PDE1C: variants seen among roughly 807,000 people sequenced by gnomAD.
PDE1C encodes dual specificity calcium/calmodulin-dependent 3',5'-cyclic nucleotide phosphodiesterase 1C.
PDE1C carries 62 observed loss-of-function variants against 93.1 expected under a neutral mutation model. The ratio of observed to expected loss-of-function variants is 0.67; its 90% CI spans 0.54 to 0.82. The LOEUF (loss-of-function observed/expected upper bound fraction) is 0.82, where lower values mean the gene tolerates loss of function less well. Ranked by LOEUF, PDE1C falls within the 40% of genes least tolerant of loss-of-function variation. The pLI is 0.00. For synonymous variants in PDE1C, 325 were observed against 310.1 expected (o/e 1.05, Z -0.50); for missense variants, 742 against 884.6 (o/e 0.84, Z 2.04).
intron 2 of PDE1C, among the ~76,000 whole-genome samples, chr7:31,896,919 C>T (rs73690326): frequency 6.6e-6 from 1 of 152,200 alleles, no homozygotes; most frequent in African/African-American, 2.4e-5. Context: ...TACCACAGGA[C>T]ATCTAGCCCA....
chr7:32,131,846 C>T (rs1199907195), intron 3 of PDE1C, among the ~76,000 whole-genome samples: 1 of 152,056 alleles, frequency 6.6e-6, no homozygotes, highest in African/African-American at 2.4e-5. Context: ...AATGTGACAA[C>T]AGAGACTCTA....
At chr7:32,400,970 A>G (rs1264195794) in intron 1 of PDE1C, among the ~76,000 whole-genome samples, 1 of 152,232 alleles carries the variant, frequency 6.6e-6, no homozygotes, top group Non-Finnish European at 1.5e-5. Flanking sequence ...AAGTGGCAAA[A>G]CATCTTGAGT....
intron 6 of PDE1C, among the ~76,000 whole-genome samples, chr7:31,866,887 C>T (rs1412111114): frequency 2.6e-5 from 4 of 152,072 alleles, no homozygotes; most frequent in African/African-American, 9.7e-5. Context: ...TAAACCCTGG[C>T]AGACCCTGAG....
chr7:32,417,571 C>T (rs1457604155), intron 1 of PDE1C, among the ~76,000 whole-genome samples: 9 of 151,726 alleles, frequency 5.9e-5, no homozygotes, highest in African/African-American at 2.2e-4. Flanking sequence ...GATTCTAACT[C>T]CATCTCTCTC....
chr7:31,619,420 T>A, the PDE1C span, among the ~76,000 whole-genome samples: 67 of 152,224 alleles, frequency 4.4e-4, no homozygotes, highest in Non-Finnish European at 7.8e-4. Context: ...GTTTTCTATG[T>A]AACATGTTCC....
intron 2 of PDE1C, among the ~76,000 whole-genome samples, chr7:31,987,064 A>G (rs1783511284): frequency 6.6e-6 from 1 of 152,148 alleles, no homozygotes; most frequent in Non-Finnish European, 1.5e-5. Flanking sequence ...CTTGAATTCT[A>G]TTGAATCTAT....
rs1298991354 is a variant in PDE1C, at chr7:31,816,158, C to T, written c.1583-4G>A. 1 of 1,610,790 alleles carries T rather than the reference C, an allele frequency of 6.2e-7. No homozygotes were observed. The highest frequency in any genetic ancestry group is 2.2e-5 in the East Asian group (1 of 44,818). Reference sequence around the variant, plus strand: ...GCTTCCTTCTTGGCCTTCTCCTCTGCATCCATGGCAAGTTGGGAAAGCCAC... The same window carrying T: ...GCTTCCTTCTTGGCCTTCTCCTCTGTATCCATGGCAAGTTGGGAAAGCCAC... On this transcript the variant is annotated splice_region_variant and splice_polypyrimidine_tract_variant and intron_variant, in intron 14 of 17. Transcript: ENST00000396191.
At chr7:32,052,205 T>C (rs1412825512) in intron 1 of PDE1C, 2 of 438,856 alleles carry the variant, frequency 4.6e-6, no homozygotes, top group African/African-American at 4.1e-5. Flanking sequence ...AAGCAAATGT[T>C]GAGAACCAGC....
intron 2 of PDE1C, among the ~76,000 whole-genome samples, chr7:31,885,321 T>A (rs1468644476): frequency 6.6e-6 from 1 of 152,240 alleles, no homozygotes; most frequent in Non-Finnish European, 1.5e-5. Flanking sequence ...AGCTGCCAGA[T>A]AATAGTTCCA....
chr7:31,692,470 T>A, the PDE1C span: 1 of 1,612,082 alleles, frequency 6.2e-7, no homozygotes, highest in South Asian at 1.1e-5. Context: ...ATGCAGCCAC[T>A]GGAACTCTCA....
chr7:32,052,609 C>G (rs555509305), intron 1 of PDE1C, among the ~76,000 whole-genome samples: 1 of 152,164 alleles, frequency 6.6e-6, no homozygotes, highest in African/African-American at 2.4e-5. Context: ...ATTTCCATTA[C>G]AGTCACTGTA....
intron 7 of PDE1C, among the ~76,000 whole-genome samples, chr7:31,862,458 G>A (rs1001400592): frequency 4.6e-5 from 7 of 152,028 alleles, no homozygotes; most frequent in Admixed American, 1.3e-4. Flanking sequence ...GCCATAGGCC[G>A]GGTGACTTAT....
At chr7:32,388,704 A>AAG (rs386409845) in intron 1 of PDE1C, among the ~76,000 whole-genome samples, 4 of 149,698 alleles carry the variant, frequency 2.7e-5, no homozygotes, top group African/African-American at 9.9e-5. Flanking sequence ...AAAAAAAAAA[A>AAG]TTAAGACAAA....
the PDE1C span, among the ~76,000 whole-genome samples, chr7:31,625,082 C>T: frequency 2.6e-5 from 4 of 152,172 alleles, no homozygotes; most frequent in Non-Finnish European, 4.4e-5. Context: ...GATATCATCT[C>T]ACACCAGTTA....
At chr7:32,228,051 C>T (rs1005996997) in intron 1 of PDE1C, among the ~76,000 whole-genome samples, 9 of 152,246 alleles carry the variant, frequency 5.9e-5, no homozygotes, top group South Asian at 2.1e-4. Flanking sequence ...CACCCAGCCA[C>T]GCTGCTCCCA....
intron 1 of PDE1C, among the ~76,000 whole-genome samples, chr7:32,375,069 G>A (rs962442082): frequency 1.3e-5 from 2 of 152,176 alleles, no homozygotes; most frequent in African/African-American, 4.8e-5. Context: ...ATAAAATTGT[G>A]AGTGAGGATG....
chr7:32,359,857 T>C (rs1653892), intron 1 of PDE1C, among the ~76,000 whole-genome samples: 93,345 of 151,804 alleles, frequency 0.61, 29,941 homozygotes, highest in Admixed American at 0.75. Context: ...CCAGCACCCA[T>C]CCAAATCTCA....
At chr7:31,969,809 G>C (rs1456470310) in intron 2 of PDE1C, among the ~76,000 whole-genome samples, 1 of 152,170 alleles carries the variant, frequency 6.6e-6, no homozygotes, top group Non-Finnish European at 1.5e-5. Context: ...ATACTATGCA[G>C]CCATAAGAAA....
At chr7:32,125,439 T>C (rs781714709) in intron 3 of PDE1C, among the ~76,000 whole-genome samples, 1 of 152,148 alleles carries the variant, frequency 6.6e-6, no homozygotes, top group South Asian at 2.1e-4. Flanking sequence ...TGCAGCACTA[T>C]TTACAATAGC....
Sources: allele counts gnomAD v4.1 joint callset (sites outside exome capture counted in the v4.1 genomes callset), GRCh38; gene constraint gnomAD v4.1.1; transcripts MANE v1.5; gene names NCBI Gene and HGNC (gene_info 2026-07-23, HGNC 2026-07-21).